SNX25: variants seen among roughly 807,000 people sequenced by gnomAD.
SNX25 encodes the protein sorting nexin 25.
SNX25 carries 62 observed loss-of-function variants against 113.7 expected under a neutral mutation model. The ratio of observed to expected loss-of-function variants is 0.55; its 90% confidence interval spans 0.44 to 0.67. The LOEUF (loss-of-function observed/expected upper bound fraction) is 0.67. Ranked by LOEUF, SNX25 falls within the 30% of genes least tolerant of loss-of-function variation. SNX25 has a pLI of 0.00. For synonymous variants in SNX25, 421 were observed against 436.2 expected (o/e 0.97, Z 0.43); for missense variants, 1,014 against 1,161.0 (o/e 0.87, Z 1.84).
intron 7 of SNX25, among the ~76,000 whole-genome samples, chr4:185,318,898 C>T (rs2095096219): frequency 6.6e-6 from 1 of 152,076 alleles, no homozygotes; most frequent in Admixed American, 6.5e-5. Context: ...TCCTTTTGTT[C>T]CTCAGCAGAA....
At chr4:185,274,026 G>T (rs576776710) in intron 5 of SNX25, among the ~76,000 whole-genome samples, 1 of 151,180 alleles carries the variant, frequency 6.6e-6, no homozygotes, top group East Asian at 1.9e-4. Context: ...CAAGCAGGTT[G>T]AAGGCAAGGA....
chr4:185,216,512 G>GTTTTTTTT, intron 1 of SNX25, among the ~76,000 whole-genome samples: 1 of 117,856 alleles, frequency 8.5e-6, no homozygotes, highest in Non-Finnish European at 1.8e-5. Flanking sequence ...GTGTGTATTT[G>GTTTTTTTT]GTTTTTTTTT....
At chr4:185,311,742 G>A (rs1310059563) in intron 7 of SNX25, among the ~76,000 whole-genome samples, 2 of 152,162 alleles carry the variant, frequency 1.3e-5, no homozygotes, top group African/African-American at 2.4e-5. Context: ...CTACTCATCT[G>A]TGATGTTCCC....
intron 5 of SNX25, among the ~76,000 whole-genome samples, chr4:185,280,821 C>G (rs953788436): frequency 6.6e-6 from 1 of 152,204 alleles, no homozygotes; most frequent in Admixed American, 6.5e-5. Flanking sequence ...CCTGGGTGAT[C>G]TAAGTCAGCT....
intron 9 of SNX25, among the ~76,000 whole-genome samples, chr4:185,328,756 C>A (rs547942589): frequency 6.6e-6 from 1 of 152,098 alleles, no homozygotes; most frequent in Non-Finnish European, 1.5e-5. Flanking sequence ...GACATGAACG[C>A]GAGCAGTGCC....
At chr4:185,330,662 C>T (rs140605151) in intron 9 of SNX25, among the ~76,000 whole-genome samples, 43 of 152,230 alleles carry the variant, frequency 2.8e-4, no homozygotes, top group African/African-American at 9.1e-4. Flanking sequence ...TATGATTTAT[C>T]GTGGATTTTT....
chr4:185,373,425 A>G (rs1372246998), downstream of SNX25, among the ~76,000 whole-genome samples: 2 of 152,176 alleles, frequency 1.3e-5, no homozygotes, highest in Non-Finnish European at 2.9e-5. Context: ...GGCACAGCAG[A>G]GGAGGGGAAA....
At chr4:185,338,764 C>T (rs895291894) in intron 10 of SNX25, among the ~76,000 whole-genome samples, 26 of 152,146 alleles carry the variant, frequency 1.7e-4, no homozygotes, top group African/African-American at 4.8e-4. Flanking sequence ...TGAATGGTCT[C>T]GACACCCTTG....
chr4:185,215,292 A>G (rs887772178), intron 1 of SNX25, among the ~76,000 whole-genome samples: 2 of 152,142 alleles, frequency 1.3e-5, no homozygotes, highest in African/African-American at 4.8e-5. Context: ...GGTGTTGGGT[A>G]GGATTCCAAG....
chr4:185,308,924 T>G (rs1028458243), intron 6 of SNX25, among the ~76,000 whole-genome samples: 2 of 152,206 alleles, frequency 1.3e-5, no homozygotes, highest in Non-Finnish European at 2.9e-5. Context: ...TTTGCCTGTT[T>G]GGTTGTCTTT....
intron 5 of SNX25, among the ~76,000 whole-genome samples, chr4:185,270,595 A>AC (rs1748784924): frequency 6.6e-6 from 1 of 150,980 alleles, no homozygotes; most frequent in Non-Finnish European, 1.5e-5. Flanking sequence ...TAGTGTATTC[A>AC]GAGACTCTGA....
Position 185,209,984 on chromosome 4 carries a change from G to A in SNX25, c.158G>A (p.Gly53Asp). The A allele has an allele frequency of 1.0e-6, 1 of 983,698 alleles. No homozygotes were observed. The highest frequency in any genetic ancestry group is 1.2e-6 in the Non-Finnish European group (1 of 829,162). The allele number at this position is 983,698 out of a possible 1,614,324, so 60.9% of individuals were successfully genotyped here. Residue 53 changes from glycine to aspartate, a missense_variant, in exon 1 of 19, where the codon GGC (glycine) becomes GAC (aspartate). Transcript: ENST00000652585. The surrounding 1 kb of genome is among the most constrained non-coding windows in gnomAD (Gnocchi z 5.2). The stretch of plus-strand genomic sequence containing the variant: ...GCAGCGGCGGCGCCGGGGGCCCCGG[G>A]CGGCCGGAGCTGGTGGAAGCCCGTG... ...AAAAAAPGAP[G>D]GRSWWKPVAV... is the part of the protein sequence containing the mutation.
chr4:185,218,509 G>A (rs1739260466), intron 1 of SNX25, among the ~76,000 whole-genome samples: 1 of 152,212 alleles, frequency 6.6e-6, no homozygotes, highest in Non-Finnish European at 1.5e-5. Context: ...TGTGAGGTAT[G>A]CCTGCTTTGC....
chr4:185,350,870 A>G (rs2095311675), intron 13 of SNX25, among the ~76,000 whole-genome samples: 2 of 150,642 alleles, frequency 1.3e-5, no homozygotes, highest in African/African-American at 5.0e-5. Context: ...TCAAAAAAAA[A>G]GAAAAGAAAA....
chr4:185,210,181 C>G lies in SNX25; in HGVS notation c.355C>G (p.Arg119Gly). 8.1e-6 allele frequency: 8 copies of G among 984,966 alleles called. No individual in the cohort carries two copies. Among genetic ancestry groups the G allele is most frequent in the Non-Finnish European group, 9.6e-6 (8 of 830,252 alleles). The allele number at this position is 984,966 out of a possible 1,614,324, so 61.0% of individuals were successfully genotyped here. Residue 119 changes from arginine (R) to glycine (G), a missense_variant, in exon 1 of 19, where the codon CGC (arginine) becomes GGC (glycine). Arg to Gly is a moderately radical substitution (Grantham distance 125). Transcript: ENST00000652585. This position sits in a 1 kb window ranked among gnomAD's most constrained non-coding sequence, Gnocchi z 4.4. ...GTTTGCCCTCGTCTGCCGGAGCCCG[C>G]GCGCCCAGCCGCCCGACTTCGCCGC... ...ILFALVCRSP[R>G]AQPPDFAAAW...
At chr4:185,337,496 C>G (rs2095237696) in intron 10 of SNX25, among the ~76,000 whole-genome samples, 1 of 152,158 alleles carries the variant, frequency 6.6e-6, no homozygotes, top group Admixed American at 6.5e-5. Flanking sequence ...ATTTATCCAG[C>G]AATAGACACT....
downstream of SNX25, chr4:185,372,854 A>G (rs2095420531): frequency 6.3e-7 from 1 of 1,595,448 alleles, no homozygotes; most frequent in Non-Finnish European, 8.6e-7. Flanking sequence ...AAAGACATTC[A>G]CCTTTTGGAA....
At position 185,210,333 on chromosome 4, in the gene SNX25, G is replaced by T. The variant is rs1378639980; in HGVS notation, c.429+78G>T. ...TGCCAGCTCCCGCGCCCCGAGCTCC[G>T]GGGGGCCGCGGCATGCCCTTGTCGA... On this transcript the variant is annotated intron_variant, in intron 1 of 18. Coordinates refer to ENST00000652585, the MANE Select transcript of SNX25 (RefSeq NM_001378034.2). The surrounding 1 kb of genome is among the most constrained non-coding windows in gnomAD (Gnocchi z 4.4). 1.0e-6 allele frequency: 1 copy of T among 983,204 alleles called. No homozygotes were observed. Among genetic ancestry groups the T allele is most frequent in the East Asian group, 1.1e-4 (1 of 8,782 alleles). The allele number at this position is 983,204 out of a possible 1,614,324, so 60.9% of individuals were successfully genotyped here. A position where few individuals can be genotyped will look rare whatever the true frequency, so the allele number is the denominator to read the frequency against.
At chr4:185,362,299 A>G (rs1392732105) in intron 17 of SNX25, 194 bp downstream of exon 17, 3 of 985,424 alleles carry the variant, frequency 3.0e-6, no homozygotes, top group Non-Finnish European at 3.6e-6. Context: ...AAAATGTTTT[A>G]GAACAGATAA....
Sources: gnomAD v4.1 joint callset for allele counts (sites outside exome capture counted in the v4.1 genomes callset) on GRCh38, gnomAD v4.1.1 for gene constraint, Gnocchi (gnomAD v3.1) non-coding constraint, MANE v1.5 for transcripts, NCBI Gene and HGNC (gene_info 2026-07-23, HGNC 2026-07-21) for gene names.